Variants in RNF103 observed in about 807,000 individuals in gnomAD.
RNF103 encodes E3 ubiquitin-protein ligase RNF103.
A neutral mutation model predicts 66.2 loss-of-function variants in RNF103; 23 were observed. The ratio of observed to expected loss-of-function variants is 0.35; its 90% confidence interval spans 0.25 to 0.49. The LOEUF is 0.49. Ranked by LOEUF, RNF103 falls within the 20% of genes least tolerant of loss-of-function variation. RNF103 has a pLI of 0.98. For synonymous variants in RNF103, 297 were observed against 289.9 expected (o/e 1.02, Z -0.25); for missense variants, 730 against 814.7 (o/e 0.90, Z 1.27).
In RNF103 at chr2:86,616,765, T is replaced by C. The variant is rs1322234163; in HGVS notation, c.366+3565A>G. On this transcript the variant is annotated intron_variant, in intron 2 of 3. Coordinates refer to ENST00000237455, the MANE Select transcript of RNF103 (RefSeq NM_005667.4). ...ATTCCATATGATGTAACACAGCCAG[T>C]AGGGAACAAATATGTCCTTCTTTGA... is the stretch of plus-strand genomic sequence containing the variant. The C allele has an allele frequency of 3.0e-6, 3 of 985,428 alleles. No individual in the cohort carries two copies. In the East Asian group the frequency reaches 3.4e-4, roughly 112 times the overall value. The allele number at this position is 985,428 out of a possible 1,614,324, so 61.0% of individuals were successfully genotyped here.
At chr2:86,618,096 GT>G (rs1483866110) in intron 2 of RNF103, 2 of 423,794 alleles carry the variant, frequency 4.7e-6, no homozygotes, top group Non-Finnish European at 9.8e-6. Flanking sequence ...TTAAAGAGTT[GT>G]TTTTCAACTA....
chr2:86,614,048 GC>G (rs2104239436), intron 2 of RNF103: 1 of 152,182 alleles, frequency 6.6e-6, no homozygotes, highest in African/African-American at 2.4e-5. Flanking sequence ...TTCTGCCTCG[GC>G]CTCCCAAGTG....
At chr2:86,615,832 C>A (rs1004472532) in intron 2 of RNF103, among the ~76,000 whole-genome samples, 6 of 152,158 alleles carry the variant, frequency 3.9e-5, no homozygotes, top group African/African-American at 1.4e-4. Flanking sequence ...CTGCCTCTGG[C>A]ATCCCCACAC....
chr2:86,622,771 T>A lies in RNF103; in HGVS notation c.116A>T (p.Asp39Val). 6.2e-7 allele frequency: 1 copy of A among 1,614,114 alleles called. No homozygotes were observed. The highest frequency in any genetic ancestry group is 1.1e-5 in the South Asian group (1 of 91,078). The part of the protein sequence containing the change: ...ETGIFATQLV[D>V]PVALSFKKLK... ...CTTCTTGAAGCTCAGCGCCACCGGA[T>A]CCACCAGCTGGGTGGCAAAGATGCC... The change falls in exon 1 of 4, where the codon GAT becomes GTT. Residue 39 changes from aspartate (D) to valine (V), a missense_variant. Around this residue, in one of 3 missense-constraint regions of RNF103, gnomAD observed 327 missense variants for 369.8 expected, o/e 0.88. Coordinates refer to ENST00000237455, the MANE Select transcript of RNF103 (RefSeq NM_005667.4).
intron 2 of RNF103, among the ~76,000 whole-genome samples, chr2:86,619,908 T>A (rs1348926137): frequency 1.3e-5 from 2 of 152,300 alleles, no homozygotes; most frequent in South Asian, 4.1e-4. Flanking sequence ...CCTAATACAA[T>A]GATTCCTTTA....
chr2:86,617,223 A>G, intron 2 of RNF103: 1 of 985,350 alleles, frequency 1.0e-6, no homozygotes, highest in Non-Finnish European at 1.2e-6. Context: ...TATGAAGAGG[A>G]TTGAACTGGC....
chr2:86,620,610 C>T, intron 1 of RNF103, 141 bp from the exon 2 acceptor site: 1 of 1,120,530 alleles, frequency 8.9e-7, no homozygotes, highest in Non-Finnish European at 1.2e-6. Flanking sequence ...CTAGAAGAAC[C>T]TGGATATACC....
Position 86,603,748 on chromosome 2 carries a change from T to G in RNF103, c.*95A>C. ...TGTATTTCCCGTCACTGCACTAACA[T>G]TAAACTAAACTTCAAACCACAAAAA... On this transcript the variant is annotated 3_prime_UTR_variant, in exon 4 of 4. Transcript: ENST00000237455. The G allele has an allele frequency of 6.7e-7, 1 of 1,493,018 alleles. No individual in the cohort carries two copies. The highest frequency in any genetic ancestry group is 9.0e-7 in the Non-Finnish European group (1 of 1,114,554). The allele number at this position is 1,493,018 out of a possible 1,614,324, so 92.5% of individuals were successfully genotyped here. A position where few individuals can be genotyped will look rare whatever the true frequency, so the allele number is the denominator to read the frequency against.
chr2:86,613,632 G>A lies in RNF103; in HGVS notation c.367-1358C>T, dbSNP rs527682020. On this transcript the variant is annotated intron_variant, in intron 2 of 3. Coordinates refer to ENST00000237455, the MANE Select transcript of RNF103 (RefSeq NM_005667.4). ...CCTCCAGGAAGTGAAGTTGCAGGTG[G>A]GTGTGTAAAATGAGTGCTGACAGTC... The A allele has an allele frequency of 7.2e-5, 11 of 152,232 alleles. No individual in the cohort carries two copies. In the South Asian group the frequency reaches 2.3e-3, roughly 32 times the overall value. 9.4% of individuals were successfully genotyped at this position (152,232 alleles called of 1,614,324 possible).
chr2:86,612,383 C>T (rs1678833757), intron 2 of RNF103, 109 bp from the exon 3 acceptor site: 1 of 644,148 alleles, frequency 1.6e-6, no homozygotes, highest in Admixed American at 2.9e-5. Flanking sequence ...ATTCTGTTCC[C>T]AGTTCTTGTT....
intron 3 of RNF103, among the ~76,000 whole-genome samples, chr2:86,607,452 T>TG (rs1367347780): frequency 2.6e-5 from 4 of 152,228 alleles, no homozygotes; most frequent in Admixed American, 2.0e-4. Context: ...GTGATGACTC[T>TG]GGAAAACTGT....
At chr2:86,617,904 C>G in intron 2 of RNF103, 2 of 1,002,244 alleles carry the variant, frequency 2.0e-6, no homozygotes, top group Non-Finnish European at 2.7e-6. Context: ...TCTCAGTTGT[C>G]CTGCCAGAGA....
At chr2:86,613,013 A>C (rs942794938) in intron 2 of RNF103, 3 of 152,260 alleles carry the variant, frequency 2.0e-5, no homozygotes, top group African/African-American at 7.2e-5. Context: ...TAATCCCAAC[A>C]TGTTGGGAGG....
chr2:86,610,637 T>A (rs1414297492), intron 3 of RNF103, among the ~76,000 whole-genome samples: 4 of 152,244 alleles, frequency 2.6e-5, no homozygotes, highest in African/African-American at 9.6e-5. Flanking sequence ...ATTTATAAAC[T>A]ATAATGTTTG....
Position 86,604,727 on chromosome 2 carries a change from T to G in RNF103, c.1174A>C (p.Lys392Gln). ...YLDSFYEYSL[K>Q]LLRYSNTTTL... ...GTTGTATTGGAATATCTCAACAATT[T>G]TAAGCTATATTCATAAAAGCTATCT... Residue 392 changes from lysine (K) to glutamine (Q), a missense_variant, in exon 4 of 4, where the codon AAA becomes CAA. This residue lies in a region of RNF103 where 355 missense variants were observed against 351.9 expected (regional missense o/e 1.01). Transcript: ENST00000237455. 6.2e-7 allele frequency: 1 copy of G among 1,614,054 alleles called. No individual in the cohort carries two copies. Among genetic ancestry groups the G allele is most frequent in the Non-Finnish European group, 8.5e-7 (1 of 1,180,010 alleles).
chr2:86,615,243 C>G (rs1573364573), intron 2 of RNF103: 1 of 985,256 alleles, frequency 1.0e-6, no homozygotes, highest in Non-Finnish European at 1.2e-6. Flanking sequence ...GTTTAAGGAT[C>G]CCTGACTGAC....
chr2:86,616,679 C>A (rs1295455455), intron 2 of RNF103: 1 of 985,258 alleles, frequency 1.0e-6, no homozygotes. Context: ...AATATTGACC[C>A]AAAGCTTTAT....
At chr2:86,615,537 T>TATATATATATATATATAA (rs1553415795) in intron 2 of RNF103, among the ~76,000 whole-genome samples, 2 of 145,838 alleles carry the variant, frequency 1.4e-5, no homozygotes, top group East Asian at 4.0e-4. Context: ...TATATATATA[T>TATATATATATATATATAA]AATATATATA....
intron 3 of RNF103, among the ~76,000 whole-genome samples, chr2:86,610,454 A>G (rs1313555586): frequency 6.6e-6 from 1 of 152,234 alleles, no homozygotes; most frequent in African/African-American, 2.4e-5. Flanking sequence ...TTATAAGATT[A>G]TAAGATTATG....
Sources: gnomAD v4.1 joint callset for allele counts (sites outside exome capture counted in the v4.1 genomes callset) on GRCh38, gnomAD v4.1.1 for gene constraint, gnomAD v4.1.1 regional missense constraint, MANE v1.5 for transcripts, NCBI Gene and HGNC (gene_info 2026-07-23, HGNC 2026-07-21) for gene names.